KCNH5: variants seen among roughly 807,000 people sequenced by gnomAD.
KCNH5 encodes potassium voltage-gated channel subfamily H member 5, also known as voltage-gated delayed rectifier potassium channel KCNH5.
A neutral mutation model predicts 96.1 loss-of-function variants in KCNH5; 46 were observed. The observed-to-expected ratio is 0.48, with a 90% CI of 0.38 to 0.61. The LOEUF is 0.61. Among genes scored for constraint, KCNH5 ranks in the 20% least tolerant of loss-of-function variants. The pLI, the probability that KCNH5 is intolerant of heterozygous loss-of-function variation, is 0.00. For missense variants in KCNH5, 907 were observed against 1,225.8 expected (o/e 0.74, Z 3.88); for synonymous variants, 439 against 449.8 (o/e 0.98, Z 0.30).
chr14:62,933,196 T>C (rs527491297), intron 7 of KCNH5, among the ~76,000 whole-genome samples: 3 of 152,182 alleles, frequency 2.0e-5, no homozygotes, highest in Admixed American at 6.5e-5. Context: ...AGGTTAGAGT[T>C]ACAGAATGGA....
chr14:62,897,469 A>G lies in KCNH5; in HGVS notation c.1370-47617T>C, dbSNP rs74464864. Among the ~76,000 whole-genome samples, 113 of 152,320 alleles carry G rather than the reference A, an allele frequency of 7.4e-4. No individual in the cohort carries two copies. The East Asian group carries it at 0.016, about 21-fold the overall frequency. ...ACAAAGAGAAGAATGAAAACTTAACAAGAGTGCTCAACCCACACAGAAGAA... is the reference window on the plus strand; with the variant it reads ...ACAAAGAGAAGAATGAAAACTTAACGAGAGTGCTCAACCCACACAGAAGAA... On this transcript the variant is annotated intron_variant, in intron 7 of 10. Transcript: ENST00000322893.
chr14:62,727,546 T>G (rs1034801731), intron 10 of KCNH5, among the ~76,000 whole-genome samples: 4 of 152,142 alleles, frequency 2.6e-5, no homozygotes, highest in Non-Finnish European at 4.4e-5. Context: ...TGTAGACATT[T>G]CTATATATGA....
At chr14:62,717,144 C>T (rs74610568) in intron 10 of KCNH5, among the ~76,000 whole-genome samples, 1,552 of 152,072 alleles carry the variant, frequency 0.01, 22 homozygotes, top group African/African-American at 0.035. Flanking sequence ...TTAAAGAAAA[C>T]CTAAATAAAT....
At chr14:62,979,891 G>C (rs1217398169) in intron 6 of KCNH5, among the ~76,000 whole-genome samples, 1 of 152,192 alleles carries the variant, frequency 6.6e-6, no homozygotes, top group Non-Finnish European at 1.5e-5. Flanking sequence ...GACATCAGAA[G>C]TCATCTGATA....
Position 62,889,464 on chromosome 14 carries a change from C to G in KCNH5, c.1370-39612G>C, listed in dbSNP as rs116919663. On this transcript the variant is annotated intron_variant, in intron 7 of 10. Transcript: ENST00000322893. ...CATGACAAAGCCACATGGCAGGAAG[C>G]AAGGGAAAAGTCAACAACTAAGAGC... Among the ~76,000 whole-genome samples the G allele has an allele frequency of 2.4e-3, 367 of 152,242 alleles. 11 individuals are homozygous for G. The East Asian group carries it at 0.063, about 26-fold the overall frequency.
At position 62,796,427 on chromosome 14, in the gene KCNH5, CT is replaced by C. The variant is rs571648953; in HGVS notation, c.1822+5901del. Reference sequence around the variant, plus strand: ...TGTTATTCCTGTCCTCATTTATGCTCTTTTTCCCAACCCCATAACAATTTCA... The same window carrying C: ...TGTTATTCCTGTCCTCATTTATGCTCTTTTCCCAACCCCATAACAATTTCA... On this transcript the variant is annotated intron_variant, in intron 9 of 10. Coordinates refer to ENST00000322893, the MANE Select transcript of KCNH5 (RefSeq NM_139318.5). Among the ~76,000 whole-genome samples the C allele has an allele frequency of 3.3e-4, 50 of 152,302 alleles. 1 individual carries two copies. The South Asian group carries it at 0.01, about 31-fold the overall frequency.
chr14:62,863,513 A>T (rs1888076668), intron 7 of KCNH5, among the ~76,000 whole-genome samples: 1 of 152,184 alleles, frequency 6.6e-6, no homozygotes, highest in African/African-American at 2.4e-5. Flanking sequence ...CAGTTTATGA[A>T]AAATATATTA....
intron 10 of KCNH5, among the ~76,000 whole-genome samples, chr14:62,709,338 C>T (rs892535061): frequency 6.7e-6 from 1 of 150,348 alleles, no homozygotes; most frequent in African/African-American, 2.4e-5. Context: ...TAGCAAATGG[C>T]ATCTGGGTTG....
intron 1 of KCNH5, among the ~76,000 whole-genome samples, chr14:63,036,049 C>A (rs1434934848): frequency 1.3e-5 from 2 of 152,170 alleles, no homozygotes; most frequent in Non-Finnish European, 2.9e-5. Context: ...CTTGGAAATG[C>A]CCTCATAGAG....
At chr14:62,900,077 C>G (rs1257272960) in intron 7 of KCNH5, among the ~76,000 whole-genome samples, 1 of 152,120 alleles carries the variant, frequency 6.6e-6, no homozygotes, top group African/African-American at 2.4e-5. Flanking sequence ...ATGTTTCAGT[C>G]TGCAAACTTG....
At chr14:62,942,481 C>T (rs1482500779) in intron 7 of KCNH5, among the ~76,000 whole-genome samples, 2 of 152,152 alleles carry the variant, frequency 1.3e-5, no homozygotes, top group East Asian at 1.9e-4. Flanking sequence ...CTGAATTCCA[C>T]AGAGGATGCT....
At chr14:62,942,422 C>T (rs748823615) in intron 7 of KCNH5, among the ~76,000 whole-genome samples, 44 of 152,262 alleles carry the variant, frequency 2.9e-4, no homozygotes, top group East Asian at 1.2e-3. Flanking sequence ...TTTCCTTTTC[C>T]GGTGGGGAGA....
At position 62,700,565 on chromosome 14, in the gene KCNH5, T is replaced by C. The variant is rs1022868962; in HGVS notation, c.*6943A>G. 1 of 152,152 alleles carries C rather than the reference T, an allele frequency of 6.6e-6. No homozygotes were observed. The highest frequency in any genetic ancestry group is 6.5e-5 in the Admixed American group (1 of 15,276). The allele number at this position is 152,152 out of a possible 1,614,324, so 9.4% of individuals were successfully genotyped here. ...CAACTGTTTTTTCCTGAAAATGAAA[T>C]AGGCTAATCTTGATTTTAAATGAAA... On this transcript the variant is annotated 3_prime_UTR_variant, in exon 11 of 11. Transcript: ENST00000322893.
rs541083746 is a variant in KCNH5, at chr14:62,817,158, C to CATAATAT, written c.1570-14584_1570-14578dup. Among the ~76,000 whole-genome samples, 32 of 133,474 alleles carry CATAATAT rather than the reference C, an allele frequency of 2.4e-4. 2 individuals are homozygous for CATAATAT. The South Asian group carries it at 6.8e-3, about 28-fold the overall frequency. The allele number at this position is 133,474 out of a possible 152,430, so 87.6% of individuals were successfully genotyped here. ...TATAATATATATATACACACATATA[C>CATAATAT]ATAATATATAATATATAATATACTA... On this transcript the variant is annotated intron_variant, in intron 8 of 10. Transcript: ENST00000322893.
intron 1 of KCNH5, among the ~76,000 whole-genome samples, chr14:63,024,715 C>T (rs913163807): frequency 6.6e-6 from 1 of 152,032 alleles, no homozygotes; most frequent in African/African-American, 2.4e-5. Context: ...AAGACTAAAT[C>T]ATGAAGAAAA....
chr14:62,732,841 T>C (rs1284839059), intron 10 of KCNH5, among the ~76,000 whole-genome samples: 6 of 152,168 alleles, frequency 3.9e-5, no homozygotes, highest in Non-Finnish European at 4.4e-5. Context: ...ACAGCTCCTG[T>C]CAGGCAACCC....
intron 2 of KCNH5, among the ~76,000 whole-genome samples, chr14:63,012,936 T>G (rs1891255835): frequency 6.6e-6 from 1 of 151,012 alleles, no homozygotes; most frequent in Non-Finnish European, 1.5e-5. Flanking sequence ...AAACACACTT[T>G]AGAATTAATA....
intron 8 of KCNH5, among the ~76,000 whole-genome samples, chr14:62,834,879 T>C (rs1446622669): frequency 6.6e-6 from 1 of 152,020 alleles, no homozygotes; most frequent in Non-Finnish European, 1.5e-5. Context: ...TTCATGCTTC[T>C]ATGGCAAAGT....
intron 3 of KCNH5, among the ~76,000 whole-genome samples, chr14:63,004,208 C>T (rs1891084540): frequency 6.6e-6 from 1 of 152,148 alleles, no homozygotes; most frequent in African/African-American, 2.4e-5. Context: ...ATATGCTTTT[C>T]TCAGCTGATG....
Sources: allele counts gnomAD v4.1 joint callset (sites outside exome capture counted in the v4.1 genomes callset), GRCh38; gene constraint gnomAD v4.1.1; transcripts MANE v1.5; gene names NCBI Gene and HGNC (gene_info 2026-07-23, HGNC 2026-07-21).